ESRRG: variants seen among roughly 807,000 people sequenced by gnomAD.
The protein encoded by ESRRG is estrogen related receptor gamma.
ESRRG carries 13 observed loss-of-function variants against 44.0 expected under a neutral mutation model. The ratio of observed to expected loss-of-function variants is 0.30; its 90% CI spans 0.19 to 0.47. ESRRG has a LOEUF of 0.47. Ranked by LOEUF, ESRRG falls within the 20% of genes least tolerant of loss-of-function variation. The pLI is 1.00. For missense variants in ESRRG, 395 were observed against 580.6 expected, an observed-to-expected ratio of 0.68 and a Z score of 3.29; for synonymous variants, 215 against 214.6, an observed-to-expected ratio of 1.00 and a Z score of -0.02.
chr1:216,732,336 C>T (rs532316112), intron 2 of ESRRG, among the ~76,000 whole-genome samples: 2 of 151,874 alleles, frequency 1.3e-5, no homozygotes, highest in African/African-American at 4.8e-5. Flanking sequence ...GATTGCCCAA[C>T]AGCACTCAGT....
upstream of ESRRG, among the ~76,000 whole-genome samples, chr1:217,092,804 A>G (rs1351120872): frequency 6.6e-6 from 1 of 152,246 alleles, no homozygotes; most frequent in African/African-American, 2.4e-5. Context: ...ATTAATTGAC[A>G]TAAAATTGCC....
intron 1 of ESRRG, among the ~76,000 whole-genome samples, chr1:216,943,199 C>A (rs78192876): frequency 0.011 from 1,613 of 152,238 alleles, 31 homozygotes; most frequent in African/African-American, 0.037. Flanking sequence ...GAAGAGAAAG[C>A]CTCTGGATTC....
intron 2 of ESRRG, among the ~76,000 whole-genome samples, chr1:216,761,174 A>AT (rs1012476340): frequency 9.9e-4 from 149 of 150,986 alleles, no homozygotes; most frequent in Non-Finnish European, 8.7e-4. Flanking sequence ...AAAAAAAAAA[A>AT]TTTTCTTGTT....
At chr1:216,710,318 AG>A (rs1186068984) in intron 1 of ESRRG, among the ~76,000 whole-genome samples, 1 of 152,196 alleles carries the variant, frequency 6.6e-6, no homozygotes, top group Non-Finnish European at 1.5e-5. Context: ...GCTGGACAAA[AG>A]CTACTGTACA....
At chr1:216,942,303 C>T (rs2065374389) in intron 1 of ESRRG, among the ~76,000 whole-genome samples, 1 of 152,136 alleles carries the variant, frequency 6.6e-6, no homozygotes, top group Non-Finnish European at 1.5e-5. Flanking sequence ...ATTTCCTTAT[C>T]CAGTCTTCAA....
At chr1:216,701,636 TAAGTA>T (rs1300086871) in intron 1 of ESRRG, 1 of 152,238 alleles carries the variant, frequency 6.6e-6, no homozygotes, top group Non-Finnish European at 1.5e-5. Flanking sequence ...CTTCAGTGCT[TAAGTA>T]AATACCACCC....
At chr1:216,941,954 G>T (rs965743051) in intron 1 of ESRRG, among the ~76,000 whole-genome samples, 1 of 151,976 alleles carries the variant, frequency 6.6e-6, no homozygotes, top group Admixed American at 6.6e-5. Flanking sequence ...GCATGTGTAG[G>T]TTTGCTACAA....
At chr1:216,509,789 A>G (rs2042187644) in intron 6 of ESRRG, among the ~76,000 whole-genome samples, 1 of 152,202 alleles carries the variant, frequency 6.6e-6, no homozygotes, top group Non-Finnish European at 1.5e-5. Context: ...CTTTAAATGC[A>G]AACTCACTAA....
At chr1:217,073,914 C>A (rs906680252) in intron 1 of ESRRG, among the ~76,000 whole-genome samples, 5 of 152,078 alleles carry the variant, frequency 3.3e-5, no homozygotes, top group African/African-American at 1.2e-4. Flanking sequence ...AGACAATACT[C>A]CCAAGAAATA....
intron 1 of ESRRG, among the ~76,000 whole-genome samples, chr1:217,109,646 T>C (rs377702932): frequency 9.4e-4 from 143 of 152,250 alleles, no homozygotes; most frequent in African/African-American, 3.2e-3. Flanking sequence ...ACTCCTGCCA[T>C]GGGGGCTAGT....
At chr1:216,638,565 G>T (rs1382903846) in intron 3 of ESRRG, among the ~76,000 whole-genome samples, 2 of 152,124 alleles carry the variant, frequency 1.3e-5, no homozygotes, top group Admixed American at 6.6e-5. Context: ...ATTTCCCTCT[G>T]TGGAAAACAT....
At chr1:217,024,167 G>A (rs914392694) in intron 1 of ESRRG, among the ~76,000 whole-genome samples, 1 of 152,084 alleles carries the variant, frequency 6.6e-6, no homozygotes, top group African/African-American at 2.4e-5. Flanking sequence ...GACCATCCTG[G>A]CTAACACGGT....
intron 1 of ESRRG, among the ~76,000 whole-genome samples, chr1:217,035,969 A>T (rs10863289): frequency 3.9e-5 from 6 of 151,970 alleles, no homozygotes; most frequent in Non-Finnish European, 8.8e-5. Context: ...TACAAGAAGA[A>T]AAAACCAACC....
At chr1:216,643,277 A>G (rs2066827043) in intron 3 of ESRRG, among the ~76,000 whole-genome samples, 1 of 152,192 alleles carries the variant, frequency 6.6e-6, no homozygotes, top group African/African-American at 2.4e-5. Flanking sequence ...GTCTTCTCTA[A>G]AAAGGTGGAA....
At chr1:217,029,542 G>A (rs748639763) in intron 1 of ESRRG, among the ~76,000 whole-genome samples, 13 of 152,266 alleles carry the variant, frequency 8.5e-5, no homozygotes, top group African/African-American at 2.2e-4. Context: ...GTTGCGAAAC[G>A]CATTATATAA....
chr1:216,658,882 AG>A (rs2071427728), intron 2 of ESRRG, among the ~76,000 whole-genome samples: 3 of 103,924 alleles, frequency 2.9e-5, no homozygotes, highest in Non-Finnish European at 5.2e-5. Context: ...AGAGAAGAGA[AG>A]AGAAGAGAAG....
chr1:216,970,359 T>G (rs1159400147), intron 1 of ESRRG, among the ~76,000 whole-genome samples: 1 of 152,212 alleles, frequency 6.6e-6, no homozygotes, highest in Admixed American at 6.5e-5. Flanking sequence ...TAAAGGCATT[T>G]TCAATTATGT....
intron 2 of ESRRG, among the ~76,000 whole-genome samples, chr1:216,920,409 TGTGTGTGTGTGC>T (rs1210198070): frequency 2.9e-4 from 38 of 130,648 alleles, no homozygotes; most frequent in South Asian, 8.3e-4. Flanking sequence ...TGTGTGTGTG[TGTGTGTGTGTGC>T]GCATATTTTT....
intron 2 of ESRRG, among the ~76,000 whole-genome samples, chr1:216,877,815 C>G (rs989844678): frequency 2.0e-5 from 3 of 152,130 alleles, no homozygotes; most frequent in Non-Finnish European, 4.4e-5. Flanking sequence ...CTTTACAGAT[C>G]CATCCACATT....
Sources: gnomAD v4.1 joint callset for allele counts (sites outside exome capture counted in the v4.1 genomes callset) on GRCh38, gnomAD v4.1.1 for gene constraint, MANE v1.5 for transcripts, NCBI Gene and HGNC (gene_info 2026-07-23, HGNC 2026-07-21) for gene names.